VPS13B: variants seen among roughly 807,000 people sequenced by gnomAD.
VPS13B encodes the protein intermembrane lipid transfer protein VPS13B.
In VPS13B, 285 loss-of-function variants were observed where a neutral mutation model predicts 426.4. The observed-to-expected ratio is 0.67, with a 90% confidence interval of 0.61 to 0.74. VPS13B has a LOEUF of 0.74. Among genes scored for constraint, VPS13B ranks in the 30% least tolerant of loss-of-function variants. The pLI is 0.00. For missense variants in VPS13B, 4,537 were observed against 4,782.6 expected (o/e 0.95, Z 1.51); for synonymous variants, 1,676 against 1,676.4 (o/e 1.00, Z 0.01).
chr8:99,572,933 T>C (rs1220204263), intron 31 of VPS13B, among the ~76,000 whole-genome samples: 2 of 152,202 alleles, frequency 1.3e-5, no homozygotes, highest in East Asian at 3.8e-4. Flanking sequence ...TGTAAAAGTG[T>C]TCCTATTTCT....
intron 43 of VPS13B, among the ~76,000 whole-genome samples, chr8:99,804,820 C>T (rs1242594574): frequency 6.6e-6 from 1 of 151,866 alleles, no homozygotes; most frequent in Non-Finnish European, 1.5e-5. Flanking sequence ...AACAAGACCT[C>T]ATCTTTACAA....
At chr8:99,361,559 C>T (rs1812558868) in intron 19 of VPS13B, among the ~76,000 whole-genome samples, 1 of 152,150 alleles carries the variant, frequency 6.6e-6, no homozygotes, top group African/African-American at 2.4e-5. Flanking sequence ...ATACCCCACT[C>T]TTGCCTATTA....
chr8:99,402,266 G>A (rs892986164), intron 21 of VPS13B, among the ~76,000 whole-genome samples: 1 of 152,112 alleles, frequency 6.6e-6, no homozygotes, highest in Non-Finnish European at 1.5e-5. Context: ...TCCCCTTCAT[G>A]TCCCCCAGAC....
chr8:99,653,215 C>T (rs948693838), intron 34 of VPS13B, among the ~76,000 whole-genome samples: 1 of 152,156 alleles, frequency 6.6e-6, no homozygotes, highest in African/African-American at 2.4e-5. Flanking sequence ...ATTATTCAAA[C>T]ATAAGTTGGG....
chr8:99,791,629 T>A (rs1018207969), intron 43 of VPS13B, among the ~76,000 whole-genome samples: 1 of 150,248 alleles, frequency 6.7e-6, no homozygotes, highest in African/African-American at 2.5e-5. Context: ...TTATAGTAAC[T>A]GAGCTAAGAC....
chr8:99,163,460 T>C (rs1434394063), intron 15 of VPS13B, among the ~76,000 whole-genome samples: 5 of 152,162 alleles, frequency 3.3e-5, no homozygotes, highest in East Asian at 3.9e-4. Flanking sequence ...GTGGTGCTCG[T>C]TGGGGAGGCT....
chr8:99,274,101 A>G (rs1818762096), intron 17 of VPS13B, 97 bp from the exon 18 acceptor site: 1 of 1,492,748 alleles, frequency 6.7e-7, no homozygotes, highest in Non-Finnish European at 9.3e-7. Context: ...TCTGAGGTAG[A>G]CAGTTAGAGT....
At chr8:99,577,900 C>G (rs1825851780) in intron 33 of VPS13B, 1 of 435,706 alleles carries the variant, frequency 2.3e-6, no homozygotes, top group African/African-American at 2.0e-5. Context: ...ACTTTATTAG[C>G]CTGCTGAAGT....
chr8:99,740,046 C>T (rs933517048), intron 39 of VPS13B, among the ~76,000 whole-genome samples: 1 of 152,120 alleles, frequency 6.6e-6, no homozygotes, highest in African/African-American at 2.4e-5. Flanking sequence ...GAAGTACGAA[C>T]CCATGGCACA....
intron 33 of VPS13B, among the ~76,000 whole-genome samples, chr8:99,630,984 G>A (rs776204030): frequency 5.3e-5 from 8 of 151,964 alleles, no homozygotes; most frequent in Non-Finnish European, 1.0e-4. Context: ...CTTTTGAGAA[G>A]AAAAAAATGT....
chr8:99,407,233 G>T (rs1413895897), intron 21 of VPS13B, among the ~76,000 whole-genome samples: 1 of 152,046 alleles, frequency 6.6e-6, no homozygotes, highest in Non-Finnish European at 1.5e-5. Context: ...ACAGATTTAG[G>T]TTATTTCTGA....
chr8:99,775,943 A>G (rs997489484), intron 40 of VPS13B, among the ~76,000 whole-genome samples: 1 of 152,140 alleles, frequency 6.6e-6, no homozygotes, highest in African/African-American at 2.4e-5. Context: ...AAATAGTGTT[A>G]AGAGGATGGG....
intron 19 of VPS13B, among the ~76,000 whole-genome samples, chr8:99,312,536 C>T (rs1020729163): frequency 2.0e-5 from 3 of 152,224 alleles, no homozygotes; most frequent in African/African-American, 7.2e-5. Context: ...GCCAAGAGAT[C>T]AGCTGTTGGT....
At chr8:99,300,765 G>T (rs1269301020) in intron 19 of VPS13B, among the ~76,000 whole-genome samples, 1 of 151,742 alleles carries the variant, frequency 6.6e-6, no homozygotes, top group African/African-American at 2.4e-5. Context: ...TTTATTAGGT[G>T]TTTGTCATTA....
intron 12 of VPS13B, 143 bp downstream of exon 12, chr8:99,136,895 A>C: frequency 1.3e-6 from 1 of 796,672 alleles, no homozygotes; most frequent in South Asian, 1.4e-5. Flanking sequence ...TAATTTTAAC[A>C]TCATGTTAGA....
At chr8:99,414,012 A>C (rs927929823) in intron 21 of VPS13B, among the ~76,000 whole-genome samples, 1 of 152,166 alleles carries the variant, frequency 6.6e-6, no homozygotes, top group Admixed American at 6.5e-5. Context: ...GATCTGTCTA[A>C]CATTGACAAT....
At chr8:99,102,869 T>C (rs978660707) in intron 4 of VPS13B, 84 bp from the exon 5 acceptor site, 1 of 1,301,266 alleles carries the variant, frequency 7.7e-7, no homozygotes, top group Non-Finnish European at 1.1e-6. Context: ...ACCTTTCTCA[T>C]ACATTAAGTT....
chr8:99,383,903 A>C (rs939821590), intron 19 of VPS13B, among the ~76,000 whole-genome samples: 1 of 152,194 alleles, frequency 6.6e-6, no homozygotes, highest in African/African-American at 2.4e-5. Context: ...GGCTGTTACG[A>C]ATTATGCTGA....
intron 3 of VPS13B, among the ~76,000 whole-genome samples, chr8:99,039,322 G>T (rs1237640765): frequency 2.0e-5 from 3 of 152,076 alleles, no homozygotes; most frequent in Non-Finnish European, 4.4e-5. Context: ...TTTGGTATAA[G>T]AAACTGATTT....
Sources: gnomAD v4.1 joint callset for allele counts (sites outside exome capture counted in the v4.1 genomes callset) on GRCh38, gnomAD v4.1.1 for gene constraint, MANE v1.5 for transcripts, NCBI Gene and HGNC (gene_info 2026-07-23, HGNC 2026-07-21) for gene names.